Variants in COL4A2 observed in about 807,000 individuals in gnomAD.
The protein encoded by COL4A2 is collagen type IV alpha 2 chain.
Under a neutral mutation model 200.2 loss-of-function variants are expected in COL4A2, and 99 were observed. The observed-to-expected ratio is 0.49, with a 90% CI of 0.42 to 0.58. COL4A2 has a LOEUF of 0.58. COL4A2 is among the 20% of genes least tolerant of loss of function. The pLI is 0.00. For missense variants in COL4A2, 1,950 were observed against 2,314.1 expected, an observed-to-expected ratio of 0.84 and a Z score of 3.23; for synonymous variants, 897 against 900.6, an observed-to-expected ratio of 1.00 and a Z score of 0.07.
intron 3 of COL4A2, among the ~76,000 whole-genome samples, chr13:110,356,427 C>T (rs1161223650): frequency 6.6e-6 from 1 of 152,234 alleles, no homozygotes; most frequent in Non-Finnish European, 1.5e-5. Flanking sequence ...TGGCATCCCG[C>T]CAGATGCACC....
rs1883646018 is a variant in COL4A2, at chr13:110,501,649, C to T, written c.3761-19C>T. Reference sequence around the variant, plus strand: ...TGGGTGCTAACGCTGAAAATAATTTCTTCTGTTTTCATCCTAAGGGGAACG... The same window carrying T: ...TGGGTGCTAACGCTGAAAATAATTTTTTCTGTTTTCATCCTAAGGGGAACG... On this transcript the variant is annotated intron_variant, in intron 40 of 47. Coordinates refer to ENST00000360467, the MANE Select transcript of COL4A2 (RefSeq NM_001846.4). The T allele has an allele frequency of 6.3e-7, 1 of 1,592,596 alleles. No individual in the cohort carries two copies. The highest frequency in any genetic ancestry group is 1.1e-5 in the South Asian group (1 of 90,650).
intron 4 of COL4A2, among the ~76,000 whole-genome samples, chr13:110,361,723 G>C (rs1469115977): frequency 1.3e-5 from 2 of 152,212 alleles, no homozygotes; most frequent in Non-Finnish European, 2.9e-5. Flanking sequence ...CCAGCAGGGA[G>C]AGAATTGCTT....
intron 4 of COL4A2, among the ~76,000 whole-genome samples, chr13:110,367,180 G>A (rs763913268): frequency 6.6e-6 from 1 of 152,286 alleles, no homozygotes; most frequent in South Asian, 2.1e-4. Flanking sequence ...AATCCCCACC[G>A]TAGGAACAAA....
At chr13:110,316,064 T>C (rs1885121856) in intron 3 of COL4A2, among the ~76,000 whole-genome samples, 1 of 152,218 alleles carries the variant, frequency 6.6e-6, no homozygotes, top group East Asian at 1.9e-4. Context: ...AAGATTTGCA[T>C]TTTTTCCTAG....
chr13:110,314,893 C>T (rs1435065872), intron 3 of COL4A2, among the ~76,000 whole-genome samples: 1 of 152,216 alleles, frequency 6.6e-6, no homozygotes, highest in African/African-American at 2.4e-5. Flanking sequence ...GCCTCCTGCA[C>T]ACGTGGGTCA....
At chr13:110,437,927 A>G (rs937822389) in intron 13 of COL4A2, 75 bp from the exon 14 acceptor site, 5 of 1,189,294 alleles carry the variant, frequency 4.2e-6, no homozygotes, top group East Asian at 4.7e-5. Flanking sequence ...AGCTCATGTC[A>G]TGAACCCTGA....
At position 110,503,851 on chromosome 13, in the gene COL4A2, C is replaced by T. The variant is rs1259636190; in HGVS notation, c.4143C>T (p.Ala1381=). 6.2e-7 allele frequency: 1 copy of T among 1,613,812 alleles called. No individual in the cohort carries two copies. Among genetic ancestry groups the T allele is most frequent in the African/African-American group, 1.3e-5 (1 of 74,926 alleles). The change falls in exon 44 of 48, where the codon GCC becomes GCT. Residue 1381 remains alanine (A), a synonymous_variant. Coordinates refer to ENST00000360467, the MANE Select transcript of COL4A2 (RefSeq NM_001846.4). Reference sequence around the variant, plus strand: ...GCCTCTCTGTTTCCCTTCCAGGTGCCCCCGGGACTGTGGGAGCCCCCGGGA... The same window carrying T: ...GCCTCTCTGTTTCCCTTCCAGGTGCTCCCGGGACTGTGGGAGCCCCCGGGA... The part of the protein sequence containing the change: ...GPKGDPGFPG[A]PGTVGAPGIA...
At chr13:110,394,608 C>T (rs1879122598) in intron 4 of COL4A2, among the ~76,000 whole-genome samples, 1 of 152,220 alleles carries the variant, frequency 6.6e-6, no homozygotes, top group Admixed American at 6.5e-5. Flanking sequence ...TGCACACGAC[C>T]TCTCGGTCCA....
intron 4 of COL4A2, among the ~76,000 whole-genome samples, chr13:110,367,649 G>A: frequency 6.6e-6 from 1 of 152,270 alleles, no homozygotes; most frequent in South Asian, 2.1e-4. Context: ...AGCAAAAGCA[G>A]GCTTTCTCAG....
intron 3 of COL4A2, among the ~76,000 whole-genome samples, chr13:110,346,066 C>A (rs557041391): frequency 3.7e-4 from 56 of 152,272 alleles, no homozygotes; most frequent in East Asian, 3.1e-3. Context: ...GCCTCTATCA[C>A]CCTCACAACC....
intron 4 of COL4A2, among the ~76,000 whole-genome samples, chr13:110,411,978 C>T (rs1879860349): frequency 6.6e-6 from 1 of 152,318 alleles, no homozygotes; most frequent in Admixed American, 6.5e-5. Context: ...GGAAAGTGCT[C>T]CGAACAGTGA....
chr13:110,491,803 C>A (rs930259202), intron 37 of COL4A2, among the ~76,000 whole-genome samples: 1 of 152,182 alleles, frequency 6.6e-6, no homozygotes, highest in East Asian at 1.9e-4. Context: ...CCTCTCCAGA[C>A]GTCTATTTGG....
chr13:110,425,625 A>G (rs1880441651), intron 6 of COL4A2, among the ~76,000 whole-genome samples: 1 of 152,182 alleles, frequency 6.6e-6, no homozygotes, highest in Non-Finnish European at 1.5e-5. Context: ...CAATGTGTTT[A>G]TCGCACGTTC....
At chr13:110,444,560 A>G (rs1347001285) in intron 16 of COL4A2, among the ~76,000 whole-genome samples, 1 of 152,230 alleles carries the variant, frequency 6.6e-6, no homozygotes, top group African/African-American at 2.4e-5. Flanking sequence ...CAACACACAC[A>G]AAGTGAAGCC....
At chr13:110,501,892 G>A (rs1883657465) in intron 41 of COL4A2, 108 bp downstream of exon 41, 5 of 1,121,264 alleles carry the variant, frequency 4.5e-6, no homozygotes, top group Non-Finnish European at 6.6e-6. Flanking sequence ...GCTGTGCCCA[G>A]ACTCCGGTCA....
intron 4 of COL4A2, among the ~76,000 whole-genome samples, chr13:110,418,093 GTTA>G (rs1880113773): frequency 6.6e-6 from 1 of 152,154 alleles, no homozygotes; most frequent in East Asian, 1.9e-4. Context: ...GTCCATCACA[GTTA>G]TATCTCTCTG....
At position 110,470,759 on chromosome 13, in the gene COL4A2, C is replaced by T. The variant is rs555463217; in HGVS notation, c.2203+1435C>T. On this transcript the variant is annotated intron_variant, in intron 28 of 47. Coordinates refer to ENST00000360467, the MANE Select transcript of COL4A2 (RefSeq NM_001846.4). ...GAAGACTAATTGAACCCTGCCCCTC[C>T]CCTGACCTCCACTCAGATAGCTGAT... is the stretch of plus-strand genomic sequence containing the variant. 2.0e-5 allele frequency among the ~76,000 whole-genome samples: 3 copies of T among 152,334 alleles called. No homozygotes were observed. The East Asian group carries it at 5.8e-4, about 29-fold the overall frequency.
intron 3 of COL4A2, among the ~76,000 whole-genome samples, chr13:110,333,074 C>A (rs929541547): frequency 2.0e-5 from 3 of 152,206 alleles, no homozygotes; most frequent in Non-Finnish European, 2.9e-5. Flanking sequence ...TCAGCCCCAT[C>A]ATCCTAAGGA....
At chr13:110,452,572 A>G (rs1881581937) in intron 20 of COL4A2, among the ~76,000 whole-genome samples, 1 of 152,316 alleles carries the variant, frequency 6.6e-6, no homozygotes, top group African/African-American at 2.4e-5. Context: ...AAAAGGTAGT[A>G]GTCACTTCTC....
Sources: allele counts gnomAD v4.1 joint callset (sites outside exome capture counted in the v4.1 genomes callset), GRCh38; gene constraint gnomAD v4.1.1; transcripts MANE v1.5; gene names NCBI Gene and HGNC (gene_info 2026-07-23, HGNC 2026-07-21).